Variants in ARVCF observed in about 807,000 individuals in gnomAD.
ARVCF encodes ARVCF delta catenin family member, also known as splicing regulator ARVCF.
A neutral mutation model predicts 90.9 loss-of-function variants in ARVCF; 66 were observed. The observed-to-expected ratio is 0.73, with a 90% confidence interval of 0.60 to 0.89. The LOEUF is 0.89. Among genes scored for constraint, ARVCF ranks in the 40% least tolerant of loss-of-function variants. ARVCF has a pLI of 0.00. For missense variants in ARVCF, 1,469 were observed against 1,382.3 expected, an observed-to-expected ratio of 1.06 and a Z score of -1.00; for synonymous variants, 653 against 603.4, an observed-to-expected ratio of 1.08 and a Z score of -1.21.
chr22:19,968,435 G>A, downstream of ARVCF: 1 of 1,155,220 alleles, frequency 8.7e-7, no homozygotes, highest in Non-Finnish European at 1.3e-6. Flanking sequence ...CTAGGCACAG[G>A]CGTGGTGCCG....
At position 19,978,817 on chromosome 22, in the gene ARVCF, C is replaced by T. The variant is rs75909438; in HGVS notation, c.1580+80G>A. ...TAAGCTCTGGCGCTCCTAAGCTCGC[C>T]GCCATCTTCCACACTATCTGGGACC... On this transcript the variant is annotated intron_variant, in intron 7 of 19. Coordinates refer to ENST00000263207, the MANE Select transcript of ARVCF (RefSeq NM_001670.3). The T allele has an allele frequency of 4.6e-4, 695 of 1,499,216 alleles. 2 individuals carry two copies. Among genetic ancestry groups the T allele is most frequent in the Non-Finnish European group, 5.9e-4 (664 of 1,116,050 alleles). The allele number at this position is 1,499,216 out of a possible 1,614,324, so 92.9% of individuals were successfully genotyped here. A position where few individuals can be genotyped will look rare whatever the true frequency, so the allele number is the denominator to read the frequency against.
In ARVCF at chr22:20,010,927, G is replaced by A. The variant is rs1944804217; in HGVS notation, c.-72-419C>T. On this transcript the variant is annotated intron_variant, in intron 1 of 19. Coordinates refer to ENST00000263207, the MANE Select transcript of ARVCF (RefSeq NM_001670.3). ...CTCCACCTCCCTAGAGTCCGCTCCC[G>A]CCTTGTGGGCGAGGCCACGTGCCTC... Among the ~76,000 whole-genome samples, 3 of 152,224 alleles carry A rather than the reference G, an allele frequency of 2.0e-5. 1 individual carries two copies. The highest frequency in any genetic ancestry group is 4.1e-4 in the South Asian group (2 of 4,834).
At chr22:19,975,135 C>G (rs1943077756) in intron 11 of ARVCF, among the ~76,000 whole-genome samples, 1 of 152,218 alleles carries the variant, frequency 6.6e-6, no homozygotes, top group Non-Finnish European at 1.5e-5. Context: ...AATACTCCCC[C>G]ACAGCCCTCC....
intron 2 of ARVCF, among the ~76,000 whole-genome samples, chr22:20,008,934 G>A (rs921487237): frequency 6.6e-6 from 1 of 152,068 alleles, no homozygotes; most frequent in Non-Finnish European, 1.5e-5. Context: ...GAGGGGGGAG[G>A]GAAAAGAAGG....
chr22:20,002,244 T>C (rs1272021735), intron 2 of ARVCF, among the ~76,000 whole-genome samples: 4 of 152,228 alleles, frequency 2.6e-5, no homozygotes, highest in African/African-American at 9.6e-5. Flanking sequence ...GGCTCCTAAA[T>C]GCGCTGTGTC....
chr22:19,971,941 C>T lies in ARVCF; in HGVS notation c.2726G>A (p.Arg909Gln), dbSNP rs34638476. Residue 909 changes from arginine (R) to glutamine (Q), a missense_variant, in exon 18 of 20, where the codon CGG becomes CAG. By Grantham distance (43) the Arg-to-Gln change is conservative (BLOSUM62 1). Transcript: ENST00000263207. ...TGCAGAGCTGGCGCCCCGTGGCCTC[C>T]GCTCCCTCCGGTCCACCGTGGAGTA... is the stretch of plus-strand genomic sequence containing the variant. The part of the protein sequence containing the change: ...DGYSTVDRRE[R>Q]RPRGASSAGE... 6,231 of 1,612,610 alleles carry T rather than the reference C, an allele frequency of 3.9e-3. 32 individuals carry two copies. Among genetic ancestry groups the T allele is most frequent in the African/African-American group, 0.024 (1,795 of 75,042 alleles).
At chr22:19,979,189 C>A in intron 6 of ARVCF, 109 bp from the exon 7 acceptor site, 2 of 1,226,566 alleles carry the variant, frequency 1.6e-6, no homozygotes, top group Non-Finnish European at 2.3e-6. Context: ...CCAGCTCATG[C>A]AGAACAGTAG....
At chr22:20,002,617 A>G (rs947650073) in intron 2 of ARVCF, among the ~76,000 whole-genome samples, 1 of 152,156 alleles carries the variant, frequency 6.6e-6, no homozygotes, top group African/African-American at 2.4e-5. Flanking sequence ...CTACCCAGAG[A>G]AGTAGTTTTA....
At chr22:20,009,713 T>C (rs1314092594) in intron 2 of ARVCF, among the ~76,000 whole-genome samples, 2 of 152,212 alleles carry the variant, frequency 1.3e-5, no homozygotes, top group African/African-American at 4.8e-5. Flanking sequence ...CTGGGGGACA[T>C]GGACCACTCA....
At chr22:19,967,240 T>C (rs1471745852), downstream of ARVCF, 4 of 1,300,904 alleles carry the variant, frequency 3.1e-6, no homozygotes, top group East Asian at 5.6e-5. Flanking sequence ...CTGAGTCCCC[T>C]GGCGCAACCC....
chr22:20,014,191 TTTTG>T (rs765011912), intron 1 of ARVCF, among the ~76,000 whole-genome samples: 7 of 149,134 alleles, frequency 4.7e-5, no homozygotes, highest in South Asian at 2.1e-4. Flanking sequence ...ATCCTGGTTG[TTTTG>T]TTTGTTTTTG....
In ARVCF at chr22:19,981,837, G is replaced by A. The variant is rs946229435; in HGVS notation, c.369+96C>T. 103 of 1,552,652 alleles carry A rather than the reference G, an allele frequency of 6.6e-5. 2 individuals carry two copies. In the Admixed American group the frequency reaches 1.9e-3, roughly 28 times the overall value. ...TTAATTTCCCACTCGAGCAATGAGAGGCCCCACGTGGCAAGCTTCCATGTC... is the reference window on the plus strand; with the variant it reads ...TTAATTTCCCACTCGAGCAATGAGAAGCCCCACGTGGCAAGCTTCCATGTC... On this transcript the variant is annotated intron_variant, in intron 4 of 19. Coordinates refer to ENST00000263207, the MANE Select transcript of ARVCF (RefSeq NM_001670.3).
chr22:19,966,300 G>A (rs115408593), downstream of ARVCF, among the ~76,000 whole-genome samples: 229 of 152,162 alleles, frequency 1.5e-3, 2 homozygotes, highest in African/African-American at 4.1e-3. Flanking sequence ...TGTGAGCATC[G>A]GAGGCACGAG....
At chr22:20,014,667 T>A (rs1344960656) in intron 1 of ARVCF, among the ~76,000 whole-genome samples, 2 of 152,176 alleles carry the variant, frequency 1.3e-5, no homozygotes, top group Non-Finnish European at 2.9e-5. Flanking sequence ...CCTGACTCCC[T>A]ATCCCAGCTC....
chr22:19,994,386 G>A (rs1340358489), intron 2 of ARVCF, among the ~76,000 whole-genome samples: 2 of 142,118 alleles, frequency 1.4e-5, no homozygotes, highest in African/African-American at 2.6e-5. Context: ...GGGGATGGTG[G>A]AGGATGAACA....
At chr22:19,974,279 C>G (rs770497354) in intron 11 of ARVCF, 40 bp from the exon 12 acceptor site, 24 of 1,564,338 alleles carry the variant, frequency 1.5e-5, no homozygotes, top group Non-Finnish European at 2.1e-5. Flanking sequence ...CACCCAGAAT[C>G]TGCTCTCATC....
intron 19 of ARVCF, 85 bp from the exon 20 acceptor site, chr22:19,970,828 CACAGGCTACATGGATGGAG>C: frequency 7.8e-7 from 1 of 1,283,980 alleles, no homozygotes; most frequent in South Asian, 1.2e-5. Context: ...CAGCCAACTC[CACAGGCTACATGGATGGAG>C]ATGTGGATAG....
At chr22:20,008,269 A>T (rs1944705178) in intron 2 of ARVCF, among the ~76,000 whole-genome samples, 1 of 152,292 alleles carries the variant, frequency 6.6e-6, no homozygotes, top group South Asian at 2.1e-4. Context: ...CGGCTGATGG[A>T]GGAGGCCAGG....
downstream of ARVCF, chr22:19,966,917 G>A (rs1942431338): frequency 4.1e-6 from 4 of 983,802 alleles, no homozygotes; most frequent in Non-Finnish European, 4.8e-6. Context: ...CTGCTCCTCT[G>A]ACACTGTCGC....
Sources: gnomAD v4.1 joint callset for allele counts (sites outside exome capture counted in the v4.1 genomes callset) on GRCh38, gnomAD v4.1.1 for gene constraint, MANE v1.5 for transcripts, NCBI Gene and HGNC (gene_info 2026-07-23, HGNC 2026-07-21) for gene names.